Variants in LAMB1 observed in about 807,000 individuals in gnomAD.
LAMB1 encodes laminin subunit beta-1.
A neutral mutation model predicts 222.3 loss-of-function variants in LAMB1; 121 were observed. The ratio of observed to expected loss-of-function variants is 0.54; its 90% CI spans 0.47 to 0.63. LAMB1 has a LOEUF of 0.63. LAMB1 is among the 30% of genes least tolerant of loss of function. LAMB1 has a pLI of 0.00. For synonymous variants in LAMB1, 794 were observed against 807.2 expected, an observed-to-expected ratio of 0.98 and a Z score of 0.28; for missense variants, 2,172 against 2,240.8, an observed-to-expected ratio of 0.97 and a Z score of 0.62.
chr7:108,001,927 G>A lies in LAMB1; in HGVS notation c.38-194C>T, dbSNP rs1346844443. 21 of 1,458,014 alleles carry A rather than the reference G, an allele frequency of 1.4e-5. No individual in the cohort carries two copies. The East Asian group carries it at 4.3e-4, about 30-fold the overall frequency. 90.3% of individuals were successfully genotyped at this position (1,458,014 alleles called of 1,614,324 possible). A position where few individuals can be genotyped will look rare whatever the true frequency, so the allele number is the denominator to read the frequency against. ...GAAGGCAGGGACTCCGAAAGGAGAAGGACACGGAAAGAAACCCACACACGT... is the reference window on the plus strand; with the variant it reads ...GAAGGCAGGGACTCCGAAAGGAGAAAGACACGGAAAGAAACCCACACACGT... On this transcript the variant is annotated intron_variant, in intron 2 of 33. Transcript: ENST00000222399.
At chr7:107,977,969 ACT>A in intron 9 of LAMB1, 76 bp downstream of exon 9, 2 of 1,533,038 alleles carry the variant, frequency 1.3e-6, no homozygotes, top group Non-Finnish European at 1.8e-6. Context: ...AAAACAGTAC[ACT>A]GTTACAGTAC....
At chr7:107,933,515 A>G (rs889193105) in intron 27 of LAMB1, among the ~76,000 whole-genome samples, 5 of 152,184 alleles carry the variant, frequency 3.3e-5, no homozygotes, top group Admixed American at 3.3e-4. Flanking sequence ...TCTTAAGAAC[A>G]TAAGTGTAAA....
intron 24 of LAMB1, among the ~76,000 whole-genome samples, chr7:107,946,685 G>A (rs1183274276): frequency 6.6e-6 from 1 of 152,188 alleles, no homozygotes; most frequent in Non-Finnish European, 1.5e-5. Flanking sequence ...ACTGACAACA[G>A]TATTTATAGT....
In LAMB1 at chr7:107,935,671, G is replaced by A; in HGVS notation, c.3947-15C>T. The A allele has an allele frequency of 6.2e-7, 1 of 1,612,628 alleles. No individual in the cohort carries two copies. The highest frequency in any genetic ancestry group is 8.5e-7 in the Non-Finnish European group (1 of 1,179,046). On this transcript the variant is annotated splice_polypyrimidine_tract_variant and intron_variant, in intron 26 of 33. Coordinates refer to ENST00000222399, the MANE Select transcript of LAMB1 (RefSeq NM_002291.3). ...ATCCAAGGCACCTAGGGTAGGAAATGAAATTGCCCACAGTTAACCTCATCA... is the reference window on the plus strand; with the variant it reads ...ATCCAAGGCACCTAGGGTAGGAAATAAAATTGCCCACAGTTAACCTCATCA...
At chr7:107,985,652 C>A (rs1286748771) in intron 7 of LAMB1, among the ~76,000 whole-genome samples, 2 of 148,624 alleles carry the variant, frequency 1.3e-5, no homozygotes, top group African/African-American at 5.0e-5. Context: ...CAAAACAAAA[C>A]AAACAAACAA....
intron 16 of LAMB1, 32 bp from the exon 17 acceptor site, chr7:107,961,361 G>A (rs761728245): frequency 5.0e-6 from 8 of 1,610,218 alleles, no homozygotes; most frequent in Admixed American, 1.7e-5. Flanking sequence ...AGACAACAAC[G>A]AAAGTCAACC....
At chr7:107,947,986 T>C (rs895733834) in intron 24 of LAMB1, among the ~76,000 whole-genome samples, 3 of 144,548 alleles carry the variant, frequency 2.1e-5, no homozygotes, top group Non-Finnish European at 3.0e-5. Flanking sequence ...TCTTCTTCTT[T>C]TTTTTTTTTT....
In LAMB1 at chr7:107,961,253, T is replaced by C; in HGVS notation, c.2062A>G (p.Thr688Ala). Residue 688 changes from threonine to alanine, a missense_variant, in exon 17 of 34, where the codon ACC becomes GCC. Transcript: ENST00000222399. ...YTVRLELPQY[T>A]SSDSDVESPY... ...CTCTCCACGTCGCTATCAGAGGAGG[T>C]GTACTGAGGCAGCTCCAACCTCACC... 4 of 1,613,866 alleles carry C rather than the reference T, an allele frequency of 2.5e-6. No individual in the cohort carries two copies. Among genetic ancestry groups the C allele is most frequent in the Non-Finnish European group, 3.4e-6 (4 of 1,179,958 alleles).
At position 107,926,053 on chromosome 7, in the gene LAMB1, A is replaced by G. The variant is rs949910958; in HGVS notation, c.5064+130T>C. ...CACACTTCTAAAGACGGCTGTTGCA[A>G]AACAGGTCATTTGATATTTCTGATG... is the stretch of plus-strand genomic sequence containing the variant. On this transcript the variant is annotated intron_variant, in intron 32 of 33. Coordinates refer to ENST00000222399, the MANE Select transcript of LAMB1 (RefSeq NM_002291.3). 7.3e-6 allele frequency: 5 copies of G among 688,788 alleles called. No individual in the cohort carries two copies. In the East Asian group the frequency reaches 1.3e-4, roughly 17 times the overall value. The allele number at this position is 688,788 out of a possible 1,614,324, so 42.7% of individuals were successfully genotyped here.
chr7:107,929,370 G>C (rs1265780834), intron 30 of LAMB1, 42 bp downstream of exon 30: 2 of 1,562,038 alleles, frequency 1.3e-6, no homozygotes, highest in Non-Finnish European at 8.8e-7. Context: ...CTCCATGATA[G>C]ATACACAAAA....
At position 107,960,511 on chromosome 7, in the gene LAMB1, G is replaced by A; in HGVS notation, c.2248C>T (p.Pro750Ser). The change falls in exon 18 of 34, where the codon CCG (proline) becomes TCG (serine). Residue 750 changes from proline (P) to serine (S), a missense_variant. Pro to Ser is a moderately conservative substitution (Grantham distance 74). Transcript: ENST00000222399. ...ATGTTTCTGCAAACATCTGTCATCG[G>A]TGTTTTCACAACGCTTCTGCTGTTC... Reference protein sequence around the residue: ...LENSRSVVKTPMTDVCRNIIF... With the variant: ...LENSRSVVKTSMTDVCRNIIF... The A allele has an allele frequency of 1.2e-6, 2 of 1,614,176 alleles. No individual in the cohort carries two copies. Among genetic ancestry groups the A allele is most frequent in the Non-Finnish European group, 1.7e-6 (2 of 1,180,016 alleles).
At chr7:107,944,859 A>G (rs762846608) in intron 24 of LAMB1, among the ~76,000 whole-genome samples, 61 of 152,334 alleles carry the variant, frequency 4.0e-4, no homozygotes, top group Non-Finnish European at 8.1e-4. Context: ...CCAGGATCTG[A>G]AAAACTGTGA....
chr7:107,933,210 T>C (rs2032754261), intron 27 of LAMB1, among the ~76,000 whole-genome samples: 1 of 152,192 alleles, frequency 6.6e-6, no homozygotes, highest in African/African-American at 2.4e-5. Flanking sequence ...TAGAAAAGGC[T>C]GAGCAGGGAG....
intron 14 of LAMB1, 36 bp downstream of exon 14, chr7:107,964,516 C>G: frequency 3.7e-6 from 6 of 1,613,502 alleles, no homozygotes; most frequent in Non-Finnish European, 5.1e-6. Context: ...CCCCAAAACA[C>G]TGCTTTACCG....
intron 13 of LAMB1, among the ~76,000 whole-genome samples, chr7:107,967,622 A>G (rs1487496870): frequency 6.6e-6 from 1 of 152,182 alleles, no homozygotes; most frequent in Non-Finnish European, 1.5e-5. Context: ...TTTACTGATC[A>G]AATATTGGCC....
At chr7:107,977,259 C>G (rs1214593224) in intron 9 of LAMB1, among the ~76,000 whole-genome samples, 2 of 152,128 alleles carry the variant, frequency 1.3e-5, no homozygotes, top group Non-Finnish European at 2.9e-5. Flanking sequence ...CGGAGCTGCT[C>G]TTCAAGGGGA....
At position 107,961,198 on chromosome 7, in the gene LAMB1, G is replaced by C. The variant is rs773444643; in HGVS notation, c.2109+8C>G. On this transcript the variant is annotated splice_region_variant and intron_variant, in intron 17 of 33. Coordinates refer to ENST00000222399, the MANE Select transcript of LAMB1 (RefSeq NM_002291.3). ...TCCTGCATATGCCAGAAGCAATCTC[G>C]CACTTACAGAATCGATCAGCGTGTA... is the stretch of plus-strand genomic sequence containing the variant. 1 of 1,613,740 alleles carries C rather than the reference G, an allele frequency of 6.2e-7. No homozygotes were observed. The highest frequency in any genetic ancestry group is 1.3e-5 in the African/African-American group (1 of 74,884).
chr7:107,996,475 CT>C, intron 4 of LAMB1, among the ~76,000 whole-genome samples: 1 of 152,210 alleles, frequency 6.6e-6, no homozygotes, highest in Non-Finnish European at 1.5e-5. Context: ...ATAAGCACAA[CT>C]TGTGCACAAC....
intron 5 of LAMB1, among the ~76,000 whole-genome samples, chr7:107,988,233 G>C (rs1023786663): frequency 6.6e-6 from 1 of 152,236 alleles, no homozygotes; most frequent in Non-Finnish European, 1.5e-5. Flanking sequence ...TAGCCAGGTA[G>C]CTGTGTTGCC....
Sources: allele counts gnomAD v4.1 joint callset (sites outside exome capture counted in the v4.1 genomes callset), GRCh38; gene constraint gnomAD v4.1.1; transcripts MANE v1.5; gene names NCBI Gene and HGNC (gene_info 2026-07-23, HGNC 2026-07-21).